HTR1F: variants seen among roughly 807,000 people sequenced by gnomAD.
HTR1F encodes the protein 5-hydroxytryptamine receptor 1F.
In HTR1F, 17 loss-of-function variants were observed where a neutral mutation model predicts 24.0. The observed-to-expected ratio is 0.71, with a 90% CI of 0.48 to 1.06. The LOEUF is 1.06. Among genes scored for constraint, HTR1F ranks in the 50% least tolerant of loss-of-function variants. HTR1F has a pLI of 0.00. For synonymous variants in HTR1F, 186 were observed against 156.8 expected (o/e 1.19, Z -1.39); for missense variants, 391 against 427.8 (o/e 0.91, Z 0.76).
At chr3:87,829,736 T>C (rs1404758121) in intron 2 of HTR1F, among the ~76,000 whole-genome samples, 1 of 152,206 alleles carries the variant, frequency 6.6e-6, no homozygotes, top group Non-Finnish European at 1.5e-5. Context: ...ATATAGGTCT[T>C]CCTTTAGAAA....
chr3:87,859,038 A>C (rs1369633778), intron 2 of HTR1F, among the ~76,000 whole-genome samples: 2 of 152,110 alleles, frequency 1.3e-5, no homozygotes, highest in East Asian at 3.9e-4. Context: ...TCTACTAAAA[A>C]TACAGAAAAT....
At chr3:87,824,684 C>T (rs1315844283) in intron 2 of HTR1F, among the ~76,000 whole-genome samples, 1 of 152,128 alleles carries the variant, frequency 6.6e-6, no homozygotes, top group African/African-American at 2.4e-5. Context: ...CTGCACATAA[C>T]CATCAGTGTC....
rs560304327 is a variant in HTR1F, at chr3:87,899,965, A to G, written c.-43+77841A>G. ...ATTACTATCTACATAGGCTCTACAC[A>G]TGTGTGCAGAAAGGCAGATATAAAC... On this transcript the variant is annotated intron_variant, in intron 2 of 2. Coordinates refer to ENST00000319595, the MANE Select transcript of HTR1F (RefSeq NM_001322209.2). Among the ~76,000 whole-genome samples, 9 of 152,352 alleles carry G rather than the reference A, an allele frequency of 5.9e-5. No homozygotes were observed. In the East Asian group the frequency reaches 1.7e-3, roughly 29 times the overall value.
chr3:87,824,705 A>G (rs1011091633), intron 2 of HTR1F, among the ~76,000 whole-genome samples: 1 of 152,182 alleles, frequency 6.6e-6, no homozygotes, highest in Non-Finnish European at 1.5e-5. Flanking sequence ...CTGGACTGGG[A>G]CATGTGTATA....
chr3:87,942,865 G>GT (rs1248536792), intron 2 of HTR1F, among the ~76,000 whole-genome samples: 1 of 152,032 alleles, frequency 6.6e-6, no homozygotes, highest in African/African-American at 2.4e-5. Context: ...GACTTTTGAA[G>GT]TTTTTTAATG....
rs1315183497 is a variant in HTR1F, at chr3:87,866,815, CGTGCGTGT to C, written c.-43+44695_-43+44702del. Among the ~76,000 whole-genome samples, 2 of 99,126 alleles carry C rather than the reference CGTGCGTGT, an allele frequency of 2.0e-5. 1 individual carries two copies. The highest frequency in any genetic ancestry group is 1.7e-4 in the Admixed American group (2 of 11,454). The allele number at this position is 99,126 out of a possible 152,430, so 65.0% of individuals were successfully genotyped here. A position where few individuals can be genotyped will look rare whatever the true frequency, so the allele number is the denominator to read the frequency against. On this transcript the variant is annotated intron_variant, in intron 2 of 2. Coordinates refer to ENST00000319595, the MANE Select transcript of HTR1F (RefSeq NM_001322209.2). ...AGAGGTGTACATGGGCACAAGTGTG[CGTGCGTGT>C]GTGTGTGTGTGTGTGTGTGTGTGCG...
At chr3:87,956,418 C>T (rs975075815) in intron 2 of HTR1F, among the ~76,000 whole-genome samples, 1 of 151,260 alleles carries the variant, frequency 6.6e-6, no homozygotes, top group Non-Finnish European at 1.5e-5. Context: ...TGTATTATAA[C>T]TTTAGAGTAA....
chr3:87,929,640 C>A (rs1032011926), intron 2 of HTR1F, among the ~76,000 whole-genome samples: 1 of 152,058 alleles, frequency 6.6e-6, no homozygotes, highest in Non-Finnish European at 1.5e-5. Flanking sequence ...GGGCTCTCTA[C>A]TCAGTTCCAT....
intron 2 of HTR1F, among the ~76,000 whole-genome samples, chr3:87,891,589 C>T (rs1175788779): frequency 1.3e-5 from 2 of 152,174 alleles, no homozygotes; most frequent in Non-Finnish European, 2.9e-5. Flanking sequence ...AATTGAGATT[C>T]AGTATCCCCT....
intron 2 of HTR1F, among the ~76,000 whole-genome samples, chr3:87,914,323 T>C (rs928952045): frequency 6.6e-6 from 1 of 152,026 alleles, no homozygotes; most frequent in Non-Finnish European, 1.5e-5. Flanking sequence ...TTGTAACAAT[T>C]TGAACTGATC....
chr3:87,819,693 C>T (rs932198796), intron 1 of HTR1F, among the ~76,000 whole-genome samples: 43 of 151,738 alleles, frequency 2.8e-4, no homozygotes, highest in African/African-American at 1.0e-3. Context: ...TTATAACTGA[C>T]CAGTATCTCC....
chr3:87,863,038 A>G (rs1327923720), intron 2 of HTR1F, among the ~76,000 whole-genome samples: 1 of 151,360 alleles, frequency 6.6e-6, no homozygotes, highest in Non-Finnish European at 1.5e-5. Context: ...GCTGTCTCAA[A>G]CTCCTGACCT....
chr3:87,933,234 CA>C (rs1704326614), intron 2 of HTR1F, among the ~76,000 whole-genome samples: 1 of 151,722 alleles, frequency 6.6e-6, no homozygotes, highest in Admixed American at 6.6e-5. Context: ...ATGACAAACC[CA>C]CAGCCAATAT....
intron 2 of HTR1F, among the ~76,000 whole-genome samples, chr3:87,968,416 T>C (rs1284838843): frequency 6.6e-6 from 1 of 152,118 alleles, no homozygotes; most frequent in Non-Finnish European, 1.5e-5. Flanking sequence ...TTTCACCATG[T>C]TTGTCAGGCT....
chr3:87,874,399 A>C (rs758166936), intron 2 of HTR1F, among the ~76,000 whole-genome samples: 2 of 152,186 alleles, frequency 1.3e-5, no homozygotes, highest in Non-Finnish European at 2.9e-5. Flanking sequence ...CCATAGCATC[A>C]CAAAGAATAA....
At chr3:87,876,752 A>G (rs1392917167) in intron 2 of HTR1F, among the ~76,000 whole-genome samples, 1 of 152,174 alleles carries the variant, frequency 6.6e-6, no homozygotes, top group Non-Finnish European at 1.5e-5. Flanking sequence ...AATTGTCTGT[A>G]GAGCTACCGA....
intron 2 of HTR1F, among the ~76,000 whole-genome samples, chr3:87,909,625 CA>C (rs773813685): frequency 2.0e-5 from 3 of 151,902 alleles, no homozygotes; most frequent in Non-Finnish European, 4.4e-5. Flanking sequence ...CTGCATAAAA[CA>C]GAAATAAAAA....
chr3:87,986,722 T>C (rs1445371706), intron 2 of HTR1F, among the ~76,000 whole-genome samples: 1 of 152,204 alleles, frequency 6.6e-6, no homozygotes. Context: ...GCCAAAATTG[T>C]TTATCAGGCA....
intron 2 of HTR1F, among the ~76,000 whole-genome samples, chr3:87,981,889 T>A (rs777070543): frequency 6.6e-6 from 1 of 152,110 alleles, no homozygotes. Flanking sequence ...ATTTAAGCAA[T>A]GAGGTGTGCG....
Sources: gnomAD v4.1 joint callset for allele counts (sites outside exome capture counted in the v4.1 genomes callset) on GRCh38, gnomAD v4.1.1 for gene constraint, MANE v1.5 for transcripts, NCBI Gene and HGNC (gene_info 2026-07-23, HGNC 2026-07-21) for gene names.